The following LRBA variants were observed in gnomAD, a reference collection of about 807,000 sequenced individuals.
The protein encoded by LRBA is LPS responsive beige-like anchor protein.
LRBA carries 176 observed loss-of-function variants against 330.0 expected under a neutral mutation model. The observed-to-expected ratio is 0.53, with a 90% CI of 0.47 to 0.60. The LOEUF is 0.60. Ranked by LOEUF, LRBA falls within the 20% of genes least tolerant of loss-of-function variation. The pLI is 0.00. For missense variants in LRBA, 3,259 were observed against 3,444.8 expected (o/e 0.95, Z 1.35); for synonymous variants, 1,230 against 1,193.0 (o/e 1.03, Z -0.64).
intron 36 of LRBA, among the ~76,000 whole-genome samples, chr4:150,696,884 C>T (rs1784663990): frequency 6.7e-6 from 1 of 149,658 alleles, no homozygotes; most frequent in Admixed American, 6.6e-5. Flanking sequence ...CATGGTGGCA[C>T]ACATCTGTAG....
chr4:150,513,387 C>A (rs974358114), intron 40 of LRBA, among the ~76,000 whole-genome samples: 2 of 152,298 alleles, frequency 1.3e-5, no homozygotes, highest in Non-Finnish European at 2.9e-5. Flanking sequence ...GAGGCCAGAT[C>A]TTACTGCCCA....
At chr4:150,399,388 A>G (rs1342417963) in intron 47 of LRBA, among the ~76,000 whole-genome samples, 1 of 152,172 alleles carries the variant, frequency 6.6e-6, no homozygotes, top group Non-Finnish European at 1.5e-5. Flanking sequence ...GTTGTCATAA[A>G]GCATTTTGGT....
At chr4:150,818,390 G>A (rs942278368) in intron 30 of LRBA, among the ~76,000 whole-genome samples, 1 of 151,898 alleles carries the variant, frequency 6.6e-6, no homozygotes, top group African/African-American at 2.4e-5. Flanking sequence ...TCATTATAAG[G>A]GTGACTGCCA....
chr4:150,917,351 T>A (rs1732749301), intron 5 of LRBA, among the ~76,000 whole-genome samples: 1 of 152,060 alleles, frequency 6.6e-6, no homozygotes, highest in Non-Finnish European at 1.5e-5. Context: ...CCACAGAGAT[T>A]CTAATTAAAA....
intron 16 of LRBA, among the ~76,000 whole-genome samples, chr4:150,896,147 T>C (rs1344519861): frequency 6.6e-6 from 1 of 152,184 alleles, no homozygotes. Flanking sequence ...TTTGGTATAC[T>C]TTATTATTAA....
intron 37 of LRBA, among the ~76,000 whole-genome samples, chr4:150,611,654 T>C (rs928316329): frequency 6.6e-6 from 1 of 152,224 alleles, no homozygotes; most frequent in Non-Finnish European, 1.5e-5. Flanking sequence ...GCAAGGCTAT[T>C]AGACTAAGGG....
chr4:150,579,275 T>C (rs769752626), intron 40 of LRBA: 1 of 451,514 alleles, frequency 2.2e-6, no homozygotes, highest in South Asian at 1.6e-5. Context: ...GGATACCGTT[T>C]CCCCCTTCAA....
intron 43 of LRBA, among the ~76,000 whole-genome samples, chr4:150,470,666 C>T (rs766345174): frequency 2.6e-5 from 4 of 152,132 alleles, no homozygotes; most frequent in East Asian, 3.9e-4. Flanking sequence ...AATTGCACCA[C>T]CATTTTCCCA....
rs781277371 is a variant in LRBA at position 150,350,030 on chromosome 4, C to T, written c.7324G>A (p.Val2442Ile). ...VFYYLTYEGA[V>I]NLNSITDPVL... ...GGATCAGTTATTGAATTCAGATTGA[C>T]AGCTCCTTCATAGGTCAAGTAATAG... The change falls in exon 48 of 57, where the codon GTC becomes ATC. Residue 2442 changes from valine to isoleucine, a missense_variant. By Grantham distance (29) the Val-to-Ile change is conservative. Coordinates refer to ENST00000651943, the MANE Select transcript of LRBA (RefSeq NM_001364905.1). 1 of 1,613,762 alleles carries T rather than the reference C, an allele frequency of 6.2e-7. No homozygotes were observed. Among genetic ancestry groups the T allele is most frequent in the South Asian group, 1.1e-5 (1 of 91,068 alleles).
intron 36 of LRBA, among the ~76,000 whole-genome samples, chr4:150,702,878 G>A (rs939899025): frequency 9.2e-5 from 14 of 152,080 alleles, no homozygotes; most frequent in Admixed American, 2.0e-4. Flanking sequence ...TTTAAATTCC[G>A]GCCGGGCATG....
intron 46 of LRBA, among the ~76,000 whole-genome samples, chr4:150,424,819 C>T (rs1398932607): frequency 6.6e-6 from 1 of 152,124 alleles, no homozygotes; most frequent in South Asian, 2.1e-4. Context: ...TTCTCACCAG[C>T]GATATAACAA....
chr4:150,648,275 A>G lies in LRBA; in HGVS notation c.5921+35276T>C, dbSNP rs79893855. Among the ~76,000 whole-genome samples, 924 of 151,976 alleles carry G rather than the reference A, an allele frequency of 6.1e-3. 4 individuals carry two copies. Among genetic ancestry groups the G allele is most frequent in the Non-Finnish European group, 0.01 (700 of 67,918 alleles). ...AATATCATAAATAAACAAAAATTGT[A>G]ATACAGTGGTTTTGACAAAGAAGAG... On this transcript the variant is annotated intron_variant, in intron 37 of 56. Transcript: ENST00000651943.
intron 34 of LRBA, among the ~76,000 whole-genome samples, chr4:150,766,756 A>G (rs552672182): frequency 5.9e-5 from 9 of 152,176 alleles, no homozygotes; most frequent in Non-Finnish European, 1.0e-4. Flanking sequence ...TCCTTCTCCC[A>G]GAGGTACTGA....
Position 150,867,780 on chromosome 4 carries a change from A to C in LRBA, c.2657T>G (p.Ile886Arg). The change falls in exon 22 of 57, where the codon ATA becomes AGA. Residue 886 changes from isoleucine to arginine, a missense_variant. Physicochemically the swap from Ile to Arg is moderately conservative, Grantham distance 97. Coordinates refer to ENST00000651943, the MANE Select transcript of LRBA (RefSeq NM_001364905.1). The stretch of plus-strand genomic sequence containing the variant: ...GAATATGGCGTATACCATTTCTGTT[A>C]TCTTTTGCTCATCTGAATTCTTAGG... ...FNPKNSDEQK[I>R]TEMVYAIFRI... is the part of the protein sequence containing the mutation. 6.2e-7 allele frequency: 1 copy of C among 1,613,852 alleles called. No individual in the cohort carries two copies. The highest frequency in any genetic ancestry group is 8.5e-7 in the Non-Finnish European group (1 of 1,179,802).
rs1292256802 is a variant in LRBA at position 150,583,043 on chromosome 4, A to T, written c.6330+5005T>A. Reference sequence around the variant, plus strand: ...CTGTGCCCCAACATGATCGCCGCTCAGGCCAAGCTGGTTTACCAGCTCAAT... The same window carrying T: ...CTGTGCCCCAACATGATCGCCGCTCTGGCCAAGCTGGTTTACCAGCTCAAT... On this transcript the variant is annotated intron_variant, in intron 40 of 56. Coordinates refer to ENST00000651943, the MANE Select transcript of LRBA (RefSeq NM_001364905.1). This position sits in a 1 kb window ranked among gnomAD's most constrained non-coding sequence, Gnocchi z 9.8. 1.9e-6 allele frequency: 3 copies of T among 1,597,514 alleles called. No individual in the cohort carries two copies. The highest frequency in any genetic ancestry group is 2.6e-6 in the Non-Finnish European group (3 of 1,170,148).
At chr4:150,940,653 CCT>C (rs2149526136) in intron 2 of LRBA, among the ~76,000 whole-genome samples, 2 of 151,748 alleles carry the variant, frequency 1.3e-5, no homozygotes, top group East Asian at 3.9e-4. Context: ...TATCTCCTTG[CCT>C]CTCTCTGCTA....
Position 150,752,484 on chromosome 4 carries a change from A to T in LRBA, c.5645+9299T>A, listed in dbSNP as rs536904579. Among the ~76,000 whole-genome samples, 16 of 151,864 alleles carry T rather than the reference A, an allele frequency of 1.1e-4. No homozygotes were observed. In the South Asian group the frequency reaches 2.1e-3, roughly 20 times the overall value. ...GTAACTGAAAAAATTAATTTAAATT[A>T]AAAAAAAATTTTTAATGGGCTTCAT... On this transcript the variant is annotated intron_variant, in intron 35 of 56. Coordinates refer to ENST00000651943, the MANE Select transcript of LRBA (RefSeq NM_001364905.1).
chr4:150,602,243 GA>G (rs1774196357), intron 37 of LRBA, among the ~76,000 whole-genome samples: 2 of 152,092 alleles, frequency 1.3e-5, no homozygotes, highest in Non-Finnish European at 2.9e-5. Flanking sequence ...TATATTTTTT[GA>G]GAGTCTCTTC....
At chr4:150,507,741 A>T (rs1761286109) in intron 40 of LRBA, among the ~76,000 whole-genome samples, 1 of 152,180 alleles carries the variant, frequency 6.6e-6, no homozygotes, top group African/African-American at 2.4e-5. Context: ...ATCTAATTAA[A>T]CTGAAGAGCT....
Sources: gnomAD v4.1 joint callset for allele counts (sites outside exome capture counted in the v4.1 genomes callset) on GRCh38, gnomAD v4.1.1 for gene constraint, Gnocchi (gnomAD v3.1) non-coding constraint, MANE v1.5 for transcripts, NCBI Gene and HGNC (gene_info 2026-07-23, HGNC 2026-07-21) for gene names.